The following PHF12 variants were observed in gnomAD, a reference collection of about 807,000 sequenced individuals.
PHF12 encodes PHD finger protein 12.
A neutral mutation model predicts 99.8 loss-of-function variants in PHF12; 6 were observed. The observed-to-expected ratio is 0.06, with a 90% confidence interval of 0.03 to 0.12. The LOEUF (loss-of-function observed/expected upper bound fraction) is 0.12, where lower values mean the gene tolerates loss of function less well. Among genes scored for constraint, PHF12 ranks in the 10% least tolerant of loss-of-function variants. PHF12 has a pLI of 1.00. For synonymous variants in PHF12, 480 were observed against 514.9 expected (o/e 0.93, Z 0.92); for missense variants, 954 against 1,300.1 (o/e 0.73, Z 4.09).
chr17:28,910,401 C>G (rs1304261279), intron 10 of PHF12, 32 bp from the exon 11 acceptor site: 4 of 1,590,674 alleles, frequency 2.5e-6, no homozygotes, highest in Middle Eastern at 2.0e-4. Flanking sequence ...TAAAAAGCAG[C>G]TGAGATGGGA....
chr17:28,905,836 G>A lies in PHF12; in HGVS notation c.*347C>T, dbSNP rs1033291478. The A allele has an allele frequency of 7.9e-5, 17 of 216,422 alleles. No homozygotes were observed. Among genetic ancestry groups the A allele is most frequent in the Non-Finnish European group, 1.3e-4 (14 of 110,882 alleles). 13.4% of individuals were successfully genotyped at this position (216,422 alleles called of 1,614,324 possible). A position where few individuals can be genotyped will look rare whatever the true frequency, so the allele number is the denominator to read the frequency against. On this transcript the variant is annotated 3_prime_UTR_variant, in exon 15 of 15. Coordinates refer to ENST00000332830, the MANE Select transcript of PHF12 (RefSeq NM_001033561.2). ...ACAAGTTTCTGATTATTTTACAATG[G>A]TGGGCGAGGGGGAGGGAGCAGGAGG... is the stretch of plus-strand genomic sequence containing the variant.
Position 28,916,476 on chromosome 17 carries a change from G to T in PHF12, c.1134+809C>A, listed in dbSNP as rs187300483. ...CTCCCAAAGTGCTAGGATTACAGGC[G>T]TGAGCCACCGCGCCTGGCCAGTGTG... On this transcript the variant is annotated intron_variant, in intron 7 of 14. Transcript: ENST00000332830. 2.0e-5 allele frequency among the ~76,000 whole-genome samples: 3 copies of T among 152,350 alleles called. No homozygotes were observed. In the East Asian group the frequency reaches 5.8e-4, roughly 29 times the overall value.
chr17:28,919,002 T>C (rs923397898), intron 6 of PHF12, 141 bp downstream of exon 6: 33 of 1,052,126 alleles, frequency 3.1e-5, no homozygotes, highest in Non-Finnish European at 4.4e-5. Context: ...ATGATCAGAA[T>C]TGAGTAGGGT....
chr17:28,950,299 C>T lies in PHF12; in HGVS notation c.67-53G>A. 6.5e-7 allele frequency: 1 copy of T among 1,535,686 alleles called. No individual in the cohort carries two copies. On this transcript the variant is annotated intron_variant, in intron 1 of 14. Coordinates refer to ENST00000332830, the MANE Select transcript of PHF12 (RefSeq NM_001033561.2). The surrounding 1 kb of genome is among the most constrained non-coding windows in gnomAD (Gnocchi z 5.7). ...GCACACTCGGAGCTCCCGGGCGGTC[C>T]GTCGCCCCCCCGGCGCGGTTTCTCC...
At chr17:28,932,564 A>G (rs1229270017) in intron 2 of PHF12, among the ~76,000 whole-genome samples, 1 of 152,198 alleles carries the variant, frequency 6.6e-6, no homozygotes, top group African/African-American at 2.4e-5. Context: ...CTGACAGGGA[A>G]AGGATTCCAG....
At chr17:28,927,746 T>C (rs2040310049) in intron 2 of PHF12, 1 of 152,372 alleles carries the variant, frequency 6.6e-6, no homozygotes. Context: ...AGAAATATGC[T>C]TGGAAAGTTC....
chr17:28,913,650 A>T (rs1300526432), intron 8 of PHF12, among the ~76,000 whole-genome samples: 1 of 152,148 alleles, frequency 6.6e-6, no homozygotes, highest in Non-Finnish European at 1.5e-5. Context: ...CCCATCTCAC[A>T]GTGCACTGGG....
intron 7 of PHF12, among the ~76,000 whole-genome samples, chr17:28,916,992 G>A (rs1047482860): frequency 1.3e-5 from 2 of 152,210 alleles, no homozygotes; most frequent in African/African-American, 2.4e-5. Context: ...GTTAGGTGAG[G>A]GTGGCAGTAA....
rs1567976303 is a variant in PHF12 at position 28,951,280 on chromosome 17, C to T, written c.-320G>A. 8.8e-6 allele frequency: 10 copies of T among 1,141,626 alleles called. No homozygotes were observed. The highest frequency in any genetic ancestry group is 1.6e-5 in the African/African-American group (1 of 60,918). The allele number at this position is 1,141,626 out of a possible 1,614,324, so 70.7% of individuals were successfully genotyped here. On this transcript the variant is annotated 5_prime_UTR_variant, in exon 1 of 15. Transcript: ENST00000332830. ...AAGCCGGCACTGGCGACAGCCGGTC[C>T]GGCCGGGAAGGCTGGCGGGCGCTGC...
chr17:28,926,230 G>A (rs2040270688), intron 3 of PHF12: 1 of 155,516 alleles, frequency 6.4e-6, no homozygotes, highest in Non-Finnish European at 1.4e-5. Flanking sequence ...AACCAAGGAA[G>A]TCATCATTCA....
intron 2 of PHF12, among the ~76,000 whole-genome samples, chr17:28,938,598 CCT>C (rs1053323178): frequency 1.3e-4 from 20 of 152,228 alleles, no homozygotes; most frequent in African/African-American, 4.1e-4. Context: ...TTTACCCTCC[CCT>C]GACAGGGTCT....
rs2039994874 is a variant in PHF12 at position 28,913,027 on chromosome 17, GGGGACTGGT to G, written c.1535_1543del (p.His512_Ser514del). On this transcript the variant is annotated inframe_deletion, in exon 9 of 15. Coordinates refer to ENST00000332830, the MANE Select transcript of PHF12 (RefSeq NM_001033561.2). ...ACTGCAGCCGATGTCCTCTAGGGCTGGGGACTGGTGGGGTGGAGAGCAGCTCAGGGAATT... is the reference window on the plus strand; with the variant it reads ...ACTGCAGCCGATGTCCTCTAGGGCTGGGGGTGGAGAGCAGCTCAGGGAATT... The G allele has an allele frequency of 6.2e-7, 1 of 1,614,078 alleles. No homozygotes were observed. Among genetic ancestry groups the G allele is most frequent in the African/African-American group, 1.3e-5 (1 of 74,926 alleles).
At position 28,950,526 on chromosome 17, in the gene PHF12, G is replaced by A. The variant is rs2040791971; in HGVS notation, c.67-280C>T. The A allele has an allele frequency of 1.8e-6, 1 of 549,254 alleles. No individual in the cohort carries two copies. The highest frequency in any genetic ancestry group is 3.1e-5 in the East Asian group (1 of 31,920). 34.0% of individuals were successfully genotyped at this position (549,254 alleles called of 1,614,324 possible). On this transcript the variant is annotated intron_variant, in intron 1 of 14. Transcript: ENST00000332830. The surrounding 1 kb of genome is among the most constrained non-coding windows in gnomAD (Gnocchi z 5.7). ...GCGGTTCCCTTCTTGCCACTTCCTT[G>A]TATGGACAGTGGGGGACTCCAAAGA...
rs933909483 is a variant in PHF12, at chr17:28,906,548, G to A, written c.2681-31C>T. The stretch of plus-strand genomic sequence containing the variant: ...AAAAAGGGGGATGGTCACAGAAGAG[G>A]AACAGTGAGCAGCCAACCCATGTGG... On this transcript the variant is annotated intron_variant, in intron 14 of 14. Coordinates refer to ENST00000332830, the MANE Select transcript of PHF12 (RefSeq NM_001033561.2). The surrounding 1 kb of genome is among the most constrained non-coding windows in gnomAD (Gnocchi z 4.2). 5 of 1,566,064 alleles carry A rather than the reference G, an allele frequency of 3.2e-6. No individual in the cohort carries two copies. The highest frequency in any genetic ancestry group is 4.3e-6 in the Non-Finnish European group (5 of 1,150,994).
chr17:28,916,364 T>C (rs1043733595), intron 7 of PHF12, among the ~76,000 whole-genome samples: 1 of 152,160 alleles, frequency 6.6e-6, no homozygotes, highest in African/African-American at 2.4e-5. Flanking sequence ...CAGGCTAATG[T>C]TTTATATTTT....
chr17:28,910,793 G>C (rs1382710671), intron 10 of PHF12: 1 of 384,678 alleles, frequency 2.6e-6, no homozygotes, highest in African/African-American at 2.1e-5. Flanking sequence ...TCCTTTGGGA[G>C]TGAGGATCTT....
At position 28,905,477 on chromosome 17, in the gene PHF12, C is replaced by T. The variant is rs1465437376; in HGVS notation, c.*706G>A. 1 of 152,460 alleles carries T rather than the reference C, an allele frequency of 6.6e-6. No homozygotes were observed. Among genetic ancestry groups the T allele is most frequent in the Admixed American group, 6.5e-5 (1 of 15,270 alleles). The allele number at this position is 152,460 out of a possible 1,614,324, so 9.4% of individuals were successfully genotyped here. On this transcript the variant is annotated 3_prime_UTR_variant, in exon 15 of 15. Transcript: ENST00000332830. ...ATAGACAATTTGAGAAAACGCTCTA[C>T]CACATGTAGTACTGTACACGGTTTT...
Position 28,913,012 on chromosome 17 carries a change from A to G in PHF12, c.1559T>C (p.Ile520Thr). 8 of 1,614,206 alleles carry G rather than the reference A, an allele frequency of 5.0e-6. No individual in the cohort carries two copies. Among genetic ancestry groups the G allele is most frequent in the Non-Finnish European group, 6.8e-6 (8 of 1,180,030 alleles). Residue 520 changes from isoleucine to threonine, a missense_variant, in exon 9 of 15, where the codon ATC becomes ACC. Ile to Thr is a moderately conservative substitution (Grantham distance 89). This residue lies in a region of PHF12 where 392 missense variants were observed against 423.1 expected (regional missense o/e 0.93). Coordinates refer to ENST00000332830, the MANE Select transcript of PHF12 (RefSeq NM_001033561.2). Reference sequence around the variant, plus strand: ...TTTTTCCGCACAAGAACTGCAGCCGATGTCCTCTAGGGCTGGGGACTGGTG... The same window carrying G: ...TTTTTCCGCACAAGAACTGCAGCCGGTGTCCTCTAGGGCTGGGGACTGGTG... ...PPHQSPALED[I>T]GCSSCAEKSK...
intron 2 of PHF12, among the ~76,000 whole-genome samples, chr17:28,946,775 C>T (rs1207463191): frequency 3.3e-5 from 5 of 152,118 alleles, no homozygotes; most frequent in Non-Finnish European, 5.9e-5. Flanking sequence ...TGGCCTCAGG[C>T]GATCCTCCCA....
Sources: allele counts gnomAD v4.1 joint callset (sites outside exome capture counted in the v4.1 genomes callset), GRCh38; gene constraint gnomAD v4.1.1; regional missense constraint gnomAD v4.1.1; non-coding constraint Gnocchi (gnomAD v3.1); transcripts MANE v1.5; gene names NCBI Gene and HGNC (gene_info 2026-07-23, HGNC 2026-07-21).